The following BRDT variants were observed in gnomAD, a reference collection of about 807,000 sequenced individuals.
The protein encoded by BRDT is bromodomain testis associated, also known as bromodomain testis-specific protein.
In BRDT, 77 loss-of-function variants were observed where a neutral mutation model predicts 113.9. The observed-to-expected ratio is 0.68, with a 90% CI of 0.56 to 0.82. The LOEUF (loss-of-function observed/expected upper bound fraction) is 0.82. BRDT is among the 40% of genes least tolerant of loss of function. The probability of loss-of-function intolerance (pLI) is 0.00; values close to 1 mark genes in which losing one functional copy is unlikely to be tolerated. For synonymous variants in BRDT, 358 were observed against 366.5 expected (o/e 0.98, Z 0.26); for missense variants, 1,027 against 1,105.4 (o/e 0.93, Z 1.01).
chr1:92,002,057 G>A lies in BRDT; in HGVS notation c.2296G>A (p.Glu766Lys), dbSNP rs774375367. The change falls in exon 16 of 19, where the codon GAA (glutamate) becomes AAA (lysine). Residue 766 changes from glutamate to lysine, a missense_variant. Transcript: ENST00000399546. ...AAAATGTGTGCATCCAGGTGATTCT[G>A]AACAGCTCTCAAATGGCATAACTGT... is the stretch of plus-strand genomic sequence containing the variant. ...LQILPPSGDS[E>K]QLSNGITVMH... 3.1e-6 allele frequency: 5 copies of A among 1,610,992 alleles called. No individual in the cohort carries two copies. The highest frequency in any genetic ancestry group is 4.2e-6 in the Non-Finnish European group (5 of 1,177,598).
chr1:91,973,692 G>A (rs1683843502), intron 4 of BRDT, among the ~76,000 whole-genome samples: 1 of 152,122 alleles, frequency 6.6e-6, no homozygotes, highest in Non-Finnish European at 1.5e-5. Flanking sequence ...AGATGATGGG[G>A]TTTTCTAGAT....
At chr1:91,999,617 G>A (rs965232988) in intron 15 of BRDT, among the ~76,000 whole-genome samples, 2 of 151,994 alleles carry the variant, frequency 1.3e-5, no homozygotes, top group African/African-American at 2.4e-5. Context: ...TTATAGCAAT[G>A]AGCTGGGAGC....
At chr1:91,953,627 C>T (rs922795628) in intron 1 of BRDT, among the ~76,000 whole-genome samples, 10 of 152,162 alleles carry the variant, frequency 6.6e-5, no homozygotes, top group African/African-American at 2.4e-4. Flanking sequence ...TTCCAGTGAG[C>T]CAAGTTCATG....
chr1:91,962,635 C>G, intron 1 of BRDT, 83 bp from the exon 2 acceptor site: 3 of 820,456 alleles, frequency 3.7e-6, no homozygotes, highest in Non-Finnish European at 5.4e-6. Context: ...TGCCCGGCTT[C>G]TGTTACTCTT....
chr1:91,951,705 C>T (rs993595702), intron 1 of BRDT, among the ~76,000 whole-genome samples: 23 of 150,934 alleles, frequency 1.5e-4, no homozygotes, highest in Middle Eastern at 3.4e-3. Context: ...CCTGGAGGGG[C>T]GGAGGTTGCA....
At chr1:92,002,295 G>A (rs74101072) in intron 16 of BRDT, 146 bp downstream of exon 16, 34,145 of 598,280 alleles carry the variant, frequency 0.057, 1,141 homozygotes, top group African/African-American at 0.095. Context: ...TTTTGAAAAA[G>A]TACTTCTGAG....
intron 3 of BRDT, among the ~76,000 whole-genome samples, chr1:91,967,367 C>T (rs1452810827): frequency 6.6e-6 from 1 of 151,176 alleles, no homozygotes; most frequent in Non-Finnish European, 1.5e-5. Flanking sequence ...TCCTGAGTAG[C>T]TGGGATTACA....
In BRDT at chr1:91,978,234, A is replaced by T. The variant is rs1371865804; in HGVS notation, c.1036A>T (p.Met346Leu). ...KFAADVRLMFMNCYKYNPPDH... is the reference protein window; with the variant it reads ...KFAADVRLMFLNCYKYNPPDH... The stretch of plus-strand genomic sequence containing the variant: ...TGCGGCAGATGTTAGATTAATGTTC[A>T]TGAATTGCTACAAGTACAATCCTCC... The change falls in exon 7 of 19, where the codon ATG (methionine) becomes TTG (leucine). Residue 346 changes from methionine to leucine, a missense_variant. Met to Leu is a conservative substitution (Grantham distance 15). Transcript: ENST00000399546. 1 of 1,614,150 alleles carries T rather than the reference A, an allele frequency of 6.2e-7. No homozygotes were observed. Among genetic ancestry groups the T allele is most frequent in the Non-Finnish European group, 8.5e-7 (1 of 1,180,008 alleles).
intron 5 of BRDT, 69 bp from the exon 6 acceptor site, chr1:91,976,973 TA>T: frequency 1.8e-5 from 22 of 1,243,690 alleles, no homozygotes; most frequent in Non-Finnish European, 2.3e-5. Context: ...TTTTTTCTTT[TA>T]ACTGATAAGG....
chr1:91,969,883 C>A (rs528664053), intron 4 of BRDT, among the ~76,000 whole-genome samples: 60 of 132,970 alleles, frequency 4.5e-4, no homozygotes, highest in Middle Eastern at 0.01. Context: ...GGCTGGAGTG[C>A]AATGGCATGA....
Position 91,981,065 on chromosome 1 carries a change from A to T in BRDT, c.1637A>T (p.Asn546Ile), listed in dbSNP as rs772158637. The change falls in exon 10 of 19, where the codon AAT becomes ATT. Residue 546 changes from asparagine (N) to isoleucine (I), a missense_variant. Transcript: ENST00000399546. ...IIQSREPSLSNSNPDEIEIDF... is the reference protein window; with the variant it reads ...IIQSREPSLSISNPDEIEIDF... ...CAATCAAGAGAGCCTTCTCTGAGCAATTCCAATCCTGATGAGATAGAGATA... is the reference window on the plus strand; with the variant it reads ...CAATCAAGAGAGCCTTCTCTGAGCATTTCCAATCCTGATGAGATAGAGATA... The T allele has an allele frequency of 1.9e-6, 3 of 1,614,122 alleles. No homozygotes were observed. The highest frequency in any genetic ancestry group is 3.3e-5 in the Admixed American group (2 of 60,028).
At position 91,991,254 on chromosome 1, in the gene BRDT, ATTCT is replaced by A; in HGVS notation, c.2064+12_2064+15del. The stretch of plus-strand genomic sequence containing the variant: ...CTAAAGAGAATGTAAAGGTAAGTGA[ATTCT>A]TTATTTGTATCTGAATTTTAAAAGT... On this transcript the variant is annotated intron_variant, in intron 13 of 18. Coordinates refer to ENST00000399546, the MANE Select transcript of BRDT (RefSeq NM_207189.4). 1.4e-6 allele frequency: 2 copies of A among 1,479,428 alleles called. No homozygotes were observed. The highest frequency in any genetic ancestry group is 1.9e-5 in the Admixed American group (1 of 53,314). 91.6% of individuals were successfully genotyped at this position (1,479,428 alleles called of 1,614,324 possible).
At chr1:92,004,157 T>G (rs1289401024) in intron 16 of BRDT, among the ~76,000 whole-genome samples, 2 of 152,200 alleles carry the variant, frequency 1.3e-5, no homozygotes, top group Non-Finnish European at 2.9e-5. Flanking sequence ...AATATATATG[T>G]CTTAAAATAA....
intron 1 of BRDT, among the ~76,000 whole-genome samples, chr1:91,960,742 A>G (rs1190773052): frequency 6.6e-6 from 1 of 152,218 alleles, no homozygotes; most frequent in Non-Finnish European, 1.5e-5. Context: ...GGAGGTGAGA[A>G]CTAATACTAC....
At chr1:91,975,393 A>G (rs531779753) in intron 4 of BRDT, among the ~76,000 whole-genome samples, 9 of 152,298 alleles carry the variant, frequency 5.9e-5, no homozygotes, top group Non-Finnish European at 1.0e-4. Context: ...TAGCGAGATT[A>G]CAAGCCATCA....
chr1:92,005,370 G>T, intron 18 of BRDT, 71 bp downstream of exon 18: 1 of 1,327,724 alleles, frequency 7.5e-7, no homozygotes, highest in Non-Finnish European at 9.9e-7. Context: ...TCTTTTGTAT[G>T]TTCAAGGATG....
intron 12 of BRDT, among the ~76,000 whole-genome samples, chr1:91,990,908 C>G (rs1289407273): frequency 6.6e-6 from 1 of 152,164 alleles, no homozygotes; most frequent in Non-Finnish European, 1.5e-5. Context: ...AGCAATTCTC[C>G]TGCCTCAGCC....
chr1:92,005,113 T>C lies in BRDT; in HGVS notation c.2595-6T>C, dbSNP rs532167001. ...CCTACTTTGAGCTATACTTTTTTTC[T>C]TTAAGGGATCTTGGGAATGGATTGA... On this transcript the variant is annotated splice_polypyrimidine_tract_variant and splice_region_variant and intron_variant, in intron 17 of 18. Transcript: ENST00000399546. The C allele has an allele frequency of 2.7e-6, 4 of 1,454,986 alleles. No homozygotes were observed. In the South Asian group the frequency reaches 6.4e-5, roughly 23 times the overall value. 90.1% of individuals were successfully genotyped at this position (1,454,986 alleles called of 1,614,324 possible).
chr1:91,973,682 A>G (rs1042279711), intron 4 of BRDT, among the ~76,000 whole-genome samples: 5 of 152,150 alleles, frequency 3.3e-5, no homozygotes, highest in African/African-American at 1.2e-4. Flanking sequence ...TTTTGGGCTG[A>G]GATGATGGGG....
Sources: gnomAD v4.1 joint callset for allele counts (sites outside exome capture counted in the v4.1 genomes callset) on GRCh38, gnomAD v4.1.1 for gene constraint, MANE v1.5 for transcripts, NCBI Gene and HGNC (gene_info 2026-07-23, HGNC 2026-07-21) for gene names.